SPEF2: variants seen among roughly 807,000 people sequenced by gnomAD.
SPEF2 encodes the protein sperm flagellar and cilia associated 2.
Under a neutral mutation model 224.6 loss-of-function variants are expected in SPEF2, and 187 were observed. That is an observed-to-expected ratio of 0.83 (90% CI 0.74 to 0.94). The LOEUF is 0.94. SPEF2 is among the 40% of genes least tolerant of loss of function. The pLI, the probability that SPEF2 is intolerant of heterozygous loss-of-function variation, is 0.00. For missense variants in SPEF2, 2,170 were observed against 2,135.6 expected, an observed-to-expected ratio of 1.02 and a Z score of -0.32; for synonymous variants, 715 against 707.3, an observed-to-expected ratio of 1.01 and a Z score of -0.17.
At chr5:35,639,379 A>T (rs753976731) in intron 2 of SPEF2, among the ~76,000 whole-genome samples, 3 of 152,114 alleles carry the variant, frequency 2.0e-5, no homozygotes, top group Non-Finnish European at 4.4e-5. Flanking sequence ...AGTAAATTTT[A>T]TGGGCATAAC....
chr5:35,660,158 CT>C (rs915749735), intron 8 of SPEF2, among the ~76,000 whole-genome samples: 1 of 151,822 alleles, frequency 6.6e-6, no homozygotes, highest in African/African-American at 2.4e-5. Context: ...TATGTGAGTT[CT>C]AGTAAAAAAA....
intron 10 of SPEF2, chr5:35,675,859 A>G: frequency 2.2e-6 from 1 of 449,660 alleles, no homozygotes; most frequent in Non-Finnish European, 4.5e-6. Context: ...GCTATTTTCT[A>G]ATTGTTGTAG....
chr5:35,807,929 C>T, intron 36 of SPEF2: 8 of 1,411,200 alleles, frequency 5.7e-6, no homozygotes, highest in Non-Finnish European at 7.4e-6. Context: ...AGCACTACAT[C>T]CCTCTCAGAT....
intron 33 of SPEF2, among the ~76,000 whole-genome samples, chr5:35,798,842 C>T (rs1757034058): frequency 6.6e-6 from 1 of 152,086 alleles, no homozygotes; most frequent in South Asian, 2.1e-4. Flanking sequence ...AGTGATCTGC[C>T]CATCTTGGCC....
chr5:35,661,417 T>A (rs976758807), intron 8 of SPEF2, among the ~76,000 whole-genome samples: 13 of 148,778 alleles, frequency 8.7e-5, no homozygotes, highest in African/African-American at 3.0e-4. Context: ...TAACAAAAAA[T>A]ATATATATAT....
At position 35,727,832 on chromosome 5, in the gene SPEF2, A is replaced by G; in HGVS notation, c.3063+9A>G. ...ATGAACCAGTTCCTGAGGTATGGCCATTTAGAATCAAGCTGGCAGAATTCA... is the reference window on the plus strand; with the variant it reads ...ATGAACCAGTTCCTGAGGTATGGCCGTTTAGAATCAAGCTGGCAGAATTCA... On this transcript the variant is annotated intron_variant, in intron 21 of 36. Coordinates refer to ENST00000356031, the MANE Select transcript of SPEF2 (RefSeq NM_024867.4). 6.2e-7 allele frequency: 1 copy of G among 1,605,226 alleles called. No individual in the cohort carries two copies. Among genetic ancestry groups the G allele is most frequent in the Non-Finnish European group, 8.5e-7 (1 of 1,176,954 alleles).
intron 21 of SPEF2, among the ~76,000 whole-genome samples, chr5:35,737,359 C>T (rs1746791118): frequency 7.4e-6 from 1 of 136,048 alleles, no homozygotes; most frequent in Non-Finnish European, 1.6e-5. Flanking sequence ...GCTATCCCTC[C>T]TCCCTCCCCC....
At chr5:35,804,040 G>A (rs759584594) in intron 34 of SPEF2, among the ~76,000 whole-genome samples, 45 of 149,910 alleles carry the variant, frequency 3.0e-4, no homozygotes, top group Non-Finnish European at 4.4e-4. Flanking sequence ...TAAATTGTGA[G>A]CTTGAATCTC....
intron 23 of SPEF2, among the ~76,000 whole-genome samples, chr5:35,752,366 G>A (rs907942152): frequency 1.4e-4 from 21 of 152,134 alleles, no homozygotes; most frequent in Admixed American, 1.2e-3. Context: ...ATGGCTCATT[G>A]CAGCCTTGAA....
chr5:35,751,096 C>CATATATATATATATAT (rs376188111), intron 23 of SPEF2, among the ~76,000 whole-genome samples: 84 of 30,426 alleles, frequency 2.8e-3, no homozygotes, highest in Non-Finnish European at 4.2e-3. Flanking sequence ...CACACACACA[C>CATATATATATATATAT]ATATATATAT....
At chr5:35,801,847 G>T (rs529485923) in intron 34 of SPEF2, among the ~76,000 whole-genome samples, 9 of 152,322 alleles carry the variant, frequency 5.9e-5, no homozygotes, top group Admixed American at 5.9e-4. Context: ...GGAGTTTGGT[G>T]GGGAGGAGGC....
At chr5:35,752,118 G>A (rs1030760747) in intron 23 of SPEF2, among the ~76,000 whole-genome samples, 2 of 152,148 alleles carry the variant, frequency 1.3e-5, no homozygotes, top group Non-Finnish European at 1.5e-5. Flanking sequence ...CTGCGGATCT[G>A]ATAGGAGGTG....
At chr5:35,814,235 G>A (rs974345693) in intron 36 of SPEF2, among the ~76,000 whole-genome samples, 5 of 152,092 alleles carry the variant, frequency 3.3e-5, no homozygotes, top group Non-Finnish European at 5.9e-5. Context: ...TCCATTATTA[G>A]GTGTGGAAAC....
chr5:35,737,719 G>A (rs1260153285), intron 21 of SPEF2, among the ~76,000 whole-genome samples: 15 of 152,106 alleles, frequency 9.9e-5, no homozygotes, highest in Non-Finnish European at 1.5e-5. Context: ...ACTCCTTTGG[G>A]TATATACCCA....
At chr5:35,703,650 T>C (rs1739157648) in intron 16 of SPEF2, among the ~76,000 whole-genome samples, 1 of 152,158 alleles carries the variant, frequency 6.6e-6, no homozygotes, top group East Asian at 1.9e-4. Context: ...ACTGAAGTCC[T>C]GACAGCAGCG....
intron 36 of SPEF2, among the ~76,000 whole-genome samples, chr5:35,810,570 A>T (rs771648849): frequency 3.9e-5 from 6 of 152,184 alleles, no homozygotes; most frequent in Non-Finnish European, 7.3e-5. Context: ...TGGCATTTGG[A>T]GCAGCACAGT....
chr5:35,780,794 CAATT>C (rs924445354), intron 30 of SPEF2, among the ~76,000 whole-genome samples: 3 of 152,080 alleles, frequency 2.0e-5, no homozygotes, highest in South Asian at 2.1e-4. Context: ...GGAAATCACT[CAATT>C]AATAGGTAAA....
chr5:35,778,944 C>T (rs931383486), intron 29 of SPEF2, among the ~76,000 whole-genome samples, 173 bp from the exon 30 acceptor site: 13 of 151,680 alleles, frequency 8.6e-5, no homozygotes, highest in African/African-American at 2.9e-4. Context: ...TTATTTATAC[C>T]CTGCCTTTTT....
At chr5:35,645,413 G>A (rs1235769713) in intron 4 of SPEF2, among the ~76,000 whole-genome samples, 1 of 152,110 alleles carries the variant, frequency 6.6e-6, no homozygotes, top group Non-Finnish European at 1.5e-5. Context: ...CTGTAAAAAC[G>A]GGGATGCTTA....
Sources: allele counts gnomAD v4.1 joint callset (sites outside exome capture counted in the v4.1 genomes callset), GRCh38; gene constraint gnomAD v4.1.1; transcripts MANE v1.5; gene names NCBI Gene and HGNC (gene_info 2026-07-23, HGNC 2026-07-21).